DHRS9: variants seen among roughly 807,000 people sequenced by gnomAD.
DHRS9 encodes the protein dehydrogenase/reductase 9.
DHRS9 carries 18 observed loss-of-function variants against 26.6 expected under a neutral mutation model. The ratio of observed to expected loss-of-function variants is 0.68; its 90% CI spans 0.47 to 1.00. The LOEUF is 1.00. Ranked by LOEUF, DHRS9 falls within the 50% of genes least tolerant of loss-of-function variation. The pLI is 0.00. For missense variants in DHRS9, 425 were observed against 378.7 expected, an observed-to-expected ratio of 1.12 and a Z score of -1.01; for synonymous variants, 134 against 141.1, an observed-to-expected ratio of 0.95 and a Z score of 0.36.
chr2:169,083,644 C>A, intron 3 of DHRS9, 57 bp downstream of exon 3: 2 of 1,578,850 alleles, frequency 1.3e-6, no homozygotes, highest in Non-Finnish European at 1.7e-6. Flanking sequence ...TTACTGAATG[C>A]TTATGTACAA....
At chr2:169,086,509 G>A (rs1684354999) in intron 3 of DHRS9, among the ~76,000 whole-genome samples, 2 of 149,512 alleles carry the variant, frequency 1.3e-5, no homozygotes, top group Admixed American at 6.6e-5. Flanking sequence ...TTCATTTGGT[G>A]AGGTCCTGTT....
In DHRS9 at chr2:169,082,588, C is replaced by T. The variant is rs766372419; in HGVS notation, c.313+694C>T. 3.3e-5 allele frequency among the ~76,000 whole-genome samples: 5 copies of T among 152,182 alleles called. No homozygotes were observed. The South Asian group carries it at 1.0e-3, about 32-fold the overall frequency. Reference sequence around the variant, plus strand: ...TAGCTGAGACTCTGAAGCTCAAAAGCAATGATTTGATAAGGCTTCGATTTT... The same window carrying T: ...TAGCTGAGACTCTGAAGCTCAAAAGTAATGATTTGATAAGGCTTCGATTTT... On this transcript the variant is annotated intron_variant, in intron 2 of 4. Transcript: ENST00000674881.
At position 169,083,580 on chromosome 2, in the gene DHRS9, A is replaced by T. The variant is rs1456553161; in HGVS notation, c.565A>T (p.Ser189Cys). Residue 189 changes from serine (S) to cysteine (C), a missense_variant, in exon 3 of 5, where the codon AGC (serine) becomes TGC (cysteine). Physicochemically the swap from Ser to Cys is moderately radical, Grantham distance 112. Transcript: ENST00000674881. Reference sequence around the variant, plus strand: ...ATATGCAGTGGAAGGTTTCAATGACAGCTTAAGGTAAATCAAATTAATCAA... The same window carrying T: ...ATATGCAGTGGAAGGTTTCAATGACTGCTTAAGGTAAATCAAATTAATCAA... The part of the protein sequence containing the change: ...SKYAVEGFND[S>C]LRRDMKAFGV... 2 of 1,613,218 alleles carry T rather than the reference A, an allele frequency of 1.2e-6. No homozygotes were observed. Among genetic ancestry groups the T allele is most frequent in the African/African-American group, 1.3e-5 (1 of 75,012 alleles).
At position 169,078,572 on chromosome 2, in the gene DHRS9, TC is replaced by T. The variant is rs1379777206; in HGVS notation, c.-59-2947del. On this transcript the variant is annotated intron_variant, in intron 1 of 4. Transcript: ENST00000674881. ...TTTTGCAAGAGTTAGTTATACCACT[TC>T]CCCTCCCATAATTATACATTTATAA... 2.0e-5 allele frequency among the ~76,000 whole-genome samples: 3 copies of T among 152,042 alleles called. No individual in the cohort carries two copies. In the East Asian group the frequency reaches 5.8e-4, roughly 29 times the overall value.
upstream of DHRS9, chr2:169,067,326 C>T: frequency 6.6e-7 from 1 of 1,523,722 alleles, no homozygotes; most frequent in Non-Finnish European, 8.8e-7. Flanking sequence ...TAGACCATCC[C>T]CAGAATGGTG....
At chr2:169,092,335 C>A (rs978746348) in intron 4 of DHRS9, among the ~76,000 whole-genome samples, 2 of 152,222 alleles carry the variant, frequency 1.3e-5, no homozygotes, top group Non-Finnish European at 2.9e-5. Context: ...GCCATACCTC[C>A]TCTTTTCCTC....
chr2:169,090,409 A>G (rs981234921), intron 3 of DHRS9, among the ~76,000 whole-genome samples: 1 of 152,236 alleles, frequency 6.6e-6, no homozygotes, highest in African/African-American at 2.4e-5. Context: ...AAATTGGGCA[A>G]CAGGTGAATA....
At chr2:169,072,152 C>T (rs1256070295) in intron 1 of DHRS9, among the ~76,000 whole-genome samples, 1 of 151,980 alleles carries the variant, frequency 6.6e-6, no homozygotes, top group Non-Finnish European at 1.5e-5. Context: ...TGTTCAGTGG[C>T]TTTCAGTATT....
At chr2:169,081,973 A>G in intron 2 of DHRS9, 79 bp downstream of exon 2, 2 of 1,374,840 alleles carry the variant, frequency 1.5e-6, no homozygotes, top group Non-Finnish European at 2.0e-6. Flanking sequence ...AACATGCTCA[A>G]GTTTTAAATG....
chr2:169,073,709 T>G (rs897168287), intron 1 of DHRS9, among the ~76,000 whole-genome samples: 3 of 151,814 alleles, frequency 2.0e-5, no homozygotes, highest in African/African-American at 7.3e-5. Context: ...TAGAGGGAAA[T>G]TAATGCTTGC....
rs1289625877 is a variant in DHRS9 at position 169,083,357 on chromosome 2, T to C, written c.342T>C (p.Gly114=). ...KGLWGLINNA[G]VPGVLAPTDW... is the part of the protein sequence containing the mutation. ...TCTGGGGTCTGATCAATAATGCTGG[T>C]GTTCCCGGCGTGCTGGCTCCCACTG... Residue 114 remains glycine (G), a synonymous_variant, in exon 3 of 5, where the codon GGT becomes GGC. Coordinates refer to ENST00000674881, the MANE Select transcript of DHRS9 (RefSeq NM_001376924.1). The C allele has an allele frequency of 1.9e-6, 3 of 1,614,138 alleles. No individual in the cohort carries two copies. Among genetic ancestry groups the C allele is most frequent in the Non-Finnish European group, 2.5e-6 (3 of 1,179,994 alleles).
chr2:169,082,857 A>T (rs1176791367), intron 2 of DHRS9, among the ~76,000 whole-genome samples: 1 of 126,238 alleles, frequency 7.9e-6, no homozygotes, highest in Non-Finnish European at 1.6e-5. Context: ...CAGGAAGGGG[A>T]ACATCACACA....
intron 1 of DHRS9, chr2:169,070,220 A>C (rs1683757564): frequency 1.0e-6 from 1 of 985,326 alleles, no homozygotes; most frequent in African/African-American, 1.7e-5. Context: ...GAGGGGAAAA[A>C]ATGCCTTGTA....
At chr2:169,085,285 A>G (rs1684316454) in intron 3 of DHRS9, among the ~76,000 whole-genome samples, 1 of 151,626 alleles carries the variant, frequency 6.6e-6, no homozygotes, top group Non-Finnish European at 1.5e-5. Context: ...CCAGTTTTGT[A>G]TTTGTCCAGG....
chr2:169,090,839 C>T lies in DHRS9; in HGVS notation c.573-951C>T, dbSNP rs72623192. On this transcript the variant is annotated intron_variant, in intron 3 of 4. Transcript: ENST00000674881. ...AGAATTTGGAATTTTGATCTTTTAC[C>T]AGCAGCAATATGTACAATACTCTCT... 7.8e-3 allele frequency among the ~76,000 whole-genome samples: 1,183 copies of T among 152,196 alleles called. 39 individuals carry two copies. The East Asian group carries it at 0.12, about 16-fold the overall frequency.
At chr2:169,083,178 A>G (rs187653497) in intron 2 of DHRS9, 151 bp from the exon 3 acceptor site, 35 of 957,246 alleles carry the variant, frequency 3.7e-5, no homozygotes, top group Non-Finnish European at 5.1e-5. Context: ...CCTCTCTGCT[A>G]TCACTTCCCA....
rs575872643 is a variant in DHRS9, at chr2:169,070,259, C to A, written c.-60+542C>A. On this transcript the variant is annotated intron_variant, in intron 1 of 4. Transcript: ENST00000674881. ...CATAAAAAAGCAGGGAAATTCCCAACAATTCATATTTGATCCCTGGATCCA... is the reference window on the plus strand; with the variant it reads ...CATAAAAAAGCAGGGAAATTCCCAAAAATTCATATTTGATCCCTGGATCCA... 21 of 985,376 alleles carry A rather than the reference C, an allele frequency of 2.1e-5. No individual in the cohort carries two copies. In the African/African-American group the frequency reaches 2.6e-4, roughly 12 times the overall value. 61.0% of individuals were successfully genotyped at this position (985,376 alleles called of 1,614,324 possible).
At chr2:169,067,472 A>G (rs1250372373), upstream of DHRS9, among the ~76,000 whole-genome samples, 1 of 152,218 alleles carries the variant, frequency 6.6e-6, no homozygotes, top group East Asian at 1.9e-4. Flanking sequence ...TTCAGAAGAA[A>G]AAGGATAACT....
intron 1 of DHRS9, among the ~76,000 whole-genome samples, chr2:169,069,930 T>G (rs1683749301): frequency 6.6e-6 from 1 of 152,180 alleles, no homozygotes; most frequent in South Asian, 2.1e-4. Flanking sequence ...GATCTTGCCT[T>G]GAACTCCTCC....
Sources: allele counts gnomAD v4.1 joint callset (sites outside exome capture counted in the v4.1 genomes callset), GRCh38; gene constraint gnomAD v4.1.1; transcripts MANE v1.5; gene names NCBI Gene and HGNC (gene_info 2026-07-23, HGNC 2026-07-21).